Variants in SEC16A observed in about 807,000 individuals in gnomAD.
The protein encoded by SEC16A is SEC16 homolog A, endoplasmic reticulum export factor.
A neutral mutation model predicts 221.9 loss-of-function variants in SEC16A; 110 were observed. The observed-to-expected ratio is 0.50, with a 90% CI of 0.42 to 0.58. The LOEUF is 0.58. SEC16A is among the 20% of genes least tolerant of loss of function. The probability of loss-of-function intolerance (pLI) is 0.00; values close to 1 mark genes in which losing one functional copy is unlikely to be tolerated. For synonymous variants in SEC16A, 1,393 were observed against 1,257.7 expected (o/e 1.11, Z -2.28); for missense variants, 3,165 against 3,097.8 (o/e 1.02, Z -0.52).
intron 3 of SEC16A, among the ~76,000 whole-genome samples, chr9:136,473,377 A>G (rs1841155938): frequency 6.6e-6 from 1 of 152,270 alleles, no homozygotes; most frequent in African/African-American, 2.4e-5. Flanking sequence ...TCAAATGTGT[A>G]CACAGACACT....
Position 136,447,697 on chromosome 9 carries a change from A to T in SEC16A, c.6448-17T>A. On this transcript the variant is annotated splice_polypyrimidine_tract_variant and intron_variant, in intron 25 of 31. Coordinates refer to ENST00000684901, the MANE Select transcript of SEC16A (RefSeq NM_014866.2). This position sits in a 1 kb window ranked among gnomAD's most constrained non-coding sequence, Gnocchi z 5.5. ...GGCTTTCTTCTGCAGAGGGAAACAC[A>T]GCTTCAGACACCCACTGTGTGCACA... The T allele has an allele frequency of 6.3e-7, 1 of 1,594,646 alleles. No homozygotes were observed.
chr9:136,474,847 A>G lies in SEC16A; in HGVS notation c.2769T>C (p.Asn923=). The change falls in exon 3 of 32, where the codon AAT becomes AAC. Residue 923 remains asparagine, a synonymous_variant. Coordinates refer to ENST00000684901, the MANE Select transcript of SEC16A (RefSeq NM_014866.2). ...ASEMVSNQPA[N]LLVQPPSQPV... ...GCTGGGATGGTGGTTGAACCAGCAA[A>G]TTAGCAGGCTGATTAGAAACCATTT... 6.2e-7 allele frequency: 1 copy of G among 1,613,988 alleles called. No homozygotes were observed. Among genetic ancestry groups the G allele is most frequent in the Non-Finnish European group, 8.5e-7 (1 of 1,179,896 alleles).
chr9:136,468,275 G>T, intron 5 of SEC16A, 140 bp downstream of exon 5: 1 of 489,814 alleles, frequency 2.0e-6, no homozygotes, highest in Non-Finnish European at 3.7e-6. Flanking sequence ...TGGCTTTTGG[G>T]CAAAAACATA....
At chr9:136,481,823 C>T (rs539418705) in intron 1 of SEC16A, among the ~76,000 whole-genome samples, 11 of 152,158 alleles carry the variant, frequency 7.2e-5, no homozygotes, top group Non-Finnish European at 7.4e-5. Context: ...ATCGCAACCA[C>T]ATACAGTTAG....
intron 8 of SEC16A, 102 bp from the exon 9 acceptor site, chr9:136,464,664 T>G (rs759807684): frequency 2.8e-6 from 3 of 1,060,524 alleles, no homozygotes; most frequent in Non-Finnish European, 4.1e-6. Flanking sequence ...CAGGTTAGAT[T>G]TATCACGACA....
chr9:136,462,801 C>T (rs1172205185), intron 12 of SEC16A, 86 bp downstream of exon 12: 4 of 1,485,042 alleles, frequency 2.7e-6, no homozygotes, highest in Non-Finnish European at 3.6e-6. Context: ...GAGGGGGCCA[C>T]GTCCCTCCCT....
chr9:136,459,307 C>A lies in SEC16A; in HGVS notation c.5304-68G>T. Reference sequence around the variant, plus strand: ...ATTATTGGCATAGTCAACCTTGGAGCAAATCATCCAGAAGTGTGTCCCACC... The same window carrying A: ...ATTATTGGCATAGTCAACCTTGGAGAAAATCATCCAGAAGTGTGTCCCACC... On this transcript the variant is annotated intron_variant, in intron 16 of 31. Coordinates refer to ENST00000684901, the MANE Select transcript of SEC16A (RefSeq NM_014866.2). This position sits in a 1 kb window ranked among gnomAD's most constrained non-coding sequence, Gnocchi z 6.1. 1 of 1,501,300 alleles carries A rather than the reference C, an allele frequency of 6.7e-7. No individual in the cohort carries two copies. The highest frequency in any genetic ancestry group is 2.3e-5 in the East Asian group (1 of 44,106). 93.0% of individuals were successfully genotyped at this position (1,501,300 alleles called of 1,614,324 possible).
chr9:136,476,069 A>C lies in SEC16A; in HGVS notation c.1547T>G (p.Val516Gly). The C allele has an allele frequency of 6.2e-7, 1 of 1,613,526 alleles. No homozygotes were observed. Residue 516 changes from valine (V) to glycine (G), a missense_variant, in exon 3 of 32, where the codon GTG (valine) becomes GGG (glycine). Physicochemically the swap from Val to Gly is moderately radical, Grantham distance 109. Around this residue, in one of 3 missense-constraint regions of SEC16A, gnomAD observed 2,030 missense variants for 1,923.1 expected, o/e 1.06. Coordinates refer to ENST00000684901, the MANE Select transcript of SEC16A (RefSeq NM_014866.2). ...TGAPDATLHT[V>G]HPDSVSSSYS... ...GCTGGATGACACGCTGTCAGGGTGC[A>C]CTGTATGCAGTGTGGCATCAGGGGC...
At position 136,451,384 on chromosome 9, in the gene SEC16A, A is replaced by T. The variant is rs1837785828; in HGVS notation, c.6184T>A (p.Ser2062Thr). The T allele has an allele frequency of 6.2e-7, 1 of 1,610,984 alleles. No individual in the cohort carries two copies. ...NLTPSRTVPD[S>T]EAPPGWDRAD... ...CGATCCCACCCTGGGGGGGCCTCCG[A>T]GTCTGGCACCGTCCTCGAGGGGGTC... The change falls in exon 23 of 32, where the codon TCG (serine) becomes ACG (threonine). Residue 2062 changes from serine (S) to threonine (T), a missense_variant. Physicochemically the swap from Ser to Thr is moderately conservative, Grantham distance 58. Around this residue, in one of 3 missense-constraint regions of SEC16A, gnomAD observed 1,088 missense variants for 1,089.6 expected, o/e 1.00. Transcript: ENST00000684901.
chr9:136,440,524 C>A lies in SEC16A; in HGVS notation c.*1231G>T, dbSNP rs1836075979. On this transcript the variant is annotated 3_prime_UTR_variant, in exon 32 of 32. Transcript: ENST00000684901. ...CAGCAGAACCTACAGAAATTATCTA[C>A]TGATTTTTATTAGTATTTAAATCTT... 1 of 152,686 alleles carries A rather than the reference C, an allele frequency of 6.5e-6. No individual in the cohort carries two copies. Among genetic ancestry groups the A allele is most frequent in the Non-Finnish European group, 1.5e-5 (1 of 68,036 alleles). 9.5% of individuals were successfully genotyped at this position (152,686 alleles called of 1,614,324 possible). A position where few individuals can be genotyped will look rare whatever the true frequency, so the allele number is the denominator to read the frequency against.
upstream of SEC16A, chr9:136,483,436 C>G: frequency 2.7e-6 from 2 of 741,994 alleles, no homozygotes; most frequent in Non-Finnish European, 3.3e-6. Context: ...GTTCCCGCCC[C>G]TTTGGCCCCG....
At chr9:136,463,405 C>A in intron 11 of SEC16A, 58 bp downstream of exon 11, 3 of 1,589,670 alleles carry the variant, frequency 1.9e-6, no homozygotes, top group Non-Finnish European at 2.6e-6. Context: ...GCTGAGCATT[C>A]CCAAGACGAA....
At chr9:136,464,701 G>A in intron 8 of SEC16A, 139 bp from the exon 9 acceptor site, 1 of 726,712 alleles carries the variant, frequency 1.4e-6, no homozygotes, top group South Asian at 2.0e-5. Context: ...GTCGGTAATT[G>A]TTTAATATCA....
At position 136,476,364 on chromosome 9, in the gene SEC16A, C is replaced by CGT; in HGVS notation, c.1250_1251dup (p.Val418ThrfsTer46). Reference sequence around the variant, plus strand: ...GCCTGGCAGAGGCTGCCTGCCCCCACGTGTGTAGGTGCGGGCGGACGGCCT... The same window carrying CGT: ...GCCTGGCAGAGGCTGCCTGCCCCCACGTGTGTGTAGGTGCGGGCGGACGGCCT... On this transcript the variant is annotated frameshift_variant, in exon 3 of 32. Coordinates refer to ENST00000684901, the MANE Select transcript of SEC16A (RefSeq NM_014866.2). LOFTEE classifies it high-confidence loss of function. 1 of 1,612,826 alleles carries CGT rather than the reference C, an allele frequency of 6.2e-7. No homozygotes were observed. Among genetic ancestry groups the CGT allele is most frequent in the Non-Finnish European group, 8.5e-7 (1 of 1,179,886 alleles).
chr9:136,484,300 G>C (rs1156995027), upstream of SEC16A: 1 of 1,041,898 alleles, frequency 9.6e-7, no homozygotes, highest in Admixed American at 4.9e-5. Flanking sequence ...GGGTGAGGCG[G>C]GTAGGCGCTC....
At chr9:136,480,201 T>C (rs1008972072) in intron 1 of SEC16A, among the ~76,000 whole-genome samples, 4 of 152,142 alleles carry the variant, frequency 2.6e-5, no homozygotes, top group African/African-American at 9.7e-5. Context: ...CACTGGGTCC[T>C]ACCAGCTGCA....
chr9:136,462,777 G>A lies in SEC16A; in HGVS notation c.4893+110C>T, dbSNP rs141679241. The A allele has an allele frequency of 2.0e-4, 255 of 1,266,738 alleles. No homozygotes were observed. The East Asian group carries it at 5.8e-3, about 29-fold the overall frequency. The allele number at this position is 1,266,738 out of a possible 1,614,324, so 78.5% of individuals were successfully genotyped here. A position where few individuals can be genotyped will look rare whatever the true frequency, so the allele number is the denominator to read the frequency against. The stretch of plus-strand genomic sequence containing the variant: ...AAGACCCGAAGCCCCACACTGCAGC[G>A]CGGATGCTCCCAAGAGGGGGCCACG... On this transcript the variant is annotated intron_variant, in intron 12 of 31. Coordinates refer to ENST00000684901, the MANE Select transcript of SEC16A (RefSeq NM_014866.2).
At chr9:136,444,632 A>G (rs1347712668) in intron 30 of SEC16A, among the ~76,000 whole-genome samples, 1 of 152,178 alleles carries the variant, frequency 6.6e-6, no homozygotes. Context: ...CACTGCTGTA[A>G]TCTCAGCACT....
chr9:136,461,764 G>C (rs1441056898), intron 12 of SEC16A, among the ~76,000 whole-genome samples: 1 of 152,152 alleles, frequency 6.6e-6, no homozygotes, highest in Admixed American at 6.5e-5. Context: ...GTTAATAAAA[G>C]CTAACAGGTT....
Sources: allele counts gnomAD v4.1 joint callset (sites outside exome capture counted in the v4.1 genomes callset), GRCh38; gene constraint gnomAD v4.1.1; regional missense constraint gnomAD v4.1.1; non-coding constraint Gnocchi (gnomAD v3.1); transcripts MANE v1.5; gene names NCBI Gene and HGNC (gene_info 2026-07-23, HGNC 2026-07-21).